The following MAGI1 variants were observed in gnomAD, a reference collection of about 807,000 sequenced individuals.
MAGI1 encodes membrane associated guanylate kinase, WW and PDZ domain containing 1.
In MAGI1, 58 loss-of-function variants were observed where a neutral mutation model predicts 139.9. The ratio of observed to expected loss-of-function variants is 0.41; its 90% CI spans 0.34 to 0.52. MAGI1 has a LOEUF of 0.52. Ranked by LOEUF, MAGI1 falls within the 20% of genes least tolerant of loss-of-function variation. The pLI is 0.12. For missense variants in MAGI1, 1,874 were observed against 1,901.6 expected, an observed-to-expected ratio of 0.99 and a Z score of 0.27; for synonymous variants, 812 against 737.9, an observed-to-expected ratio of 1.10 and a Z score of -1.63.
chr3:65,731,701 A>G (rs963775606), intron 1 of MAGI1, among the ~76,000 whole-genome samples: 3 of 151,762 alleles, frequency 2.0e-5, no homozygotes, highest in Admixed American at 1.3e-4. Flanking sequence ...AATTTACATT[A>G]TCATGCATAA....
chr3:65,695,907 A>T (rs1250548646), intron 1 of MAGI1, among the ~76,000 whole-genome samples: 1 of 152,112 alleles, frequency 6.6e-6, no homozygotes, highest in African/African-American at 2.4e-5. Context: ...TACTCATCCT[A>T]CATCACCTAA....
At chr3:65,454,555 T>TA in intron 5 of MAGI1, among the ~76,000 whole-genome samples, 1 of 135,644 alleles carries the variant, frequency 7.4e-6, no homozygotes, top group Admixed American at 7.3e-5. Flanking sequence ...ATAATAATAA[T>TA]AAAAAAATAC....
At chr3:65,358,033 A>G (rs1248048350) in intron 22 of MAGI1, among the ~76,000 whole-genome samples, 1 of 152,126 alleles carries the variant, frequency 6.6e-6, no homozygotes, top group Non-Finnish European at 1.5e-5. Context: ...GTTTAGAGGC[A>G]TTTTTTCTTT....
chr3:65,732,129 C>T (rs1471823443), intron 1 of MAGI1, among the ~76,000 whole-genome samples: 1 of 152,208 alleles, frequency 6.6e-6, no homozygotes, highest in Non-Finnish European at 1.5e-5. Flanking sequence ...AATTCAGTCT[C>T]TGCATAAAGA....
intron 1 of MAGI1, among the ~76,000 whole-genome samples, chr3:65,667,317 C>T (rs895483446): frequency 2.6e-5 from 4 of 152,040 alleles, no homozygotes; most frequent in Non-Finnish European, 5.9e-5. Flanking sequence ...ATAGCATGAA[C>T]GAATATAATA....
At chr3:65,895,527 A>C (rs540672177) in intron 1 of MAGI1, among the ~76,000 whole-genome samples, 1 of 152,358 alleles carries the variant, frequency 6.6e-6, no homozygotes, top group South Asian at 2.1e-4. Context: ...TTGTCTTCAA[A>C]CAATAATCTA....
rs571107622 is a variant in MAGI1 at position 65,578,094 on chromosome 3, A to G, written c.430+43878T>C. Reference sequence around the variant, plus strand: ...GACGGGTTCTGCCTCCATCCTCAGGAGCCTCAGCTCCCACAAATCACTAGT... The same window carrying G: ...GACGGGTTCTGCCTCCATCCTCAGGGGCCTCAGCTCCCACAAATCACTAGT... On this transcript the variant is annotated intron_variant, in intron 2 of 22. Transcript: ENST00000402939. Among the ~76,000 whole-genome samples, 3 of 152,256 alleles carry G rather than the reference A, an allele frequency of 2.0e-5. No individual in the cohort carries two copies. In the East Asian group the frequency reaches 5.8e-4, roughly 29 times the overall value.
intron 1 of MAGI1, among the ~76,000 whole-genome samples, chr3:65,884,172 A>G (rs577253039): frequency 6.6e-6 from 1 of 152,334 alleles, no homozygotes; most frequent in Non-Finnish European, 1.5e-5. Flanking sequence ...AGATTCCTGA[A>G]TTCACAATGT....
At chr3:65,552,289 T>TCC (rs1559663766) in intron 2 of MAGI1, among the ~76,000 whole-genome samples, 1 of 149,556 alleles carries the variant, frequency 6.7e-6, no homozygotes, top group Non-Finnish European at 1.5e-5. Flanking sequence ...TGTGTGTGTG[T>TCC]CCCCATTCCA....
intron 1 of MAGI1, among the ~76,000 whole-genome samples, chr3:65,631,857 C>T (rs937843653): frequency 1.3e-5 from 2 of 152,084 alleles, no homozygotes; most frequent in Admixed American, 1.3e-4. Context: ...AACCCCACCT[C>T]TACCAAAAAC....
chr3:65,793,478 T>C (rs1227376080), intron 1 of MAGI1, among the ~76,000 whole-genome samples: 1 of 152,212 alleles, frequency 6.6e-6, no homozygotes, highest in Admixed American at 6.5e-5. Context: ...CCCTTACCTT[T>C]TACTGAGAAG....
chr3:65,901,481 A>C (rs2061231661), intron 1 of MAGI1, among the ~76,000 whole-genome samples: 1 of 152,220 alleles, frequency 6.6e-6, no homozygotes, highest in South Asian at 2.1e-4. Flanking sequence ...AAACTCTGGC[A>C]AAACGCTGCA....
At chr3:65,536,220 T>G (rs1187535780) in intron 2 of MAGI1, among the ~76,000 whole-genome samples, 1 of 152,220 alleles carries the variant, frequency 6.6e-6, no homozygotes, top group Admixed American at 6.5e-5. Flanking sequence ...TTATCACCCC[T>G]ACTAAGCTAC....
chr3:65,909,031 T>C (rs11715152), intron 1 of MAGI1, among the ~76,000 whole-genome samples: 11,954 of 152,278 alleles, frequency 0.079, 650 homozygotes, highest in Middle Eastern at 0.14. Flanking sequence ...TCTTTTATAA[T>C]GCCAATTCCA....
At chr3:65,687,048 C>T (rs907314388) in intron 1 of MAGI1, among the ~76,000 whole-genome samples, 13 of 152,158 alleles carry the variant, frequency 8.5e-5, no homozygotes, top group Non-Finnish European at 1.5e-4. Context: ...AGTCTTGCTA[C>T]TCAAAACGTG....
Position 65,379,628 on chromosome 3 carries a change from A to G in MAGI1, c.2702-74T>C, listed in dbSNP as rs537527533. On this transcript the variant is annotated intron_variant, in intron 16 of 22. Transcript: ENST00000402939. The stretch of plus-strand genomic sequence containing the variant: ...CATCCTGCTGCCCCTCCCTCCTTCC[A>G]GCAACTCCTGCTAGAAATCAAAACG... The G allele has an allele frequency of 7.1e-6, 11 of 1,540,994 alleles. No homozygotes were observed. In the African/African-American group the frequency reaches 1.4e-4, roughly 19 times the overall value.
At chr3:65,694,045 C>CA (rs1193540455) in intron 1 of MAGI1, among the ~76,000 whole-genome samples, 1 of 151,234 alleles carries the variant, frequency 6.6e-6, no homozygotes, top group Non-Finnish European at 1.5e-5. Context: ...AACGGAGGAC[C>CA]AAAAAAATGA....
At chr3:65,770,529 A>C (rs1351604723) in intron 1 of MAGI1, among the ~76,000 whole-genome samples, 1 of 152,212 alleles carries the variant, frequency 6.6e-6, no homozygotes, top group Non-Finnish European at 1.5e-5. Flanking sequence ...TCTTGTGTAA[A>C]TGATACCTGT....
chr3:65,943,268 C>A (rs2063396914), intron 1 of MAGI1, among the ~76,000 whole-genome samples: 1 of 151,926 alleles, frequency 6.6e-6, no homozygotes, highest in South Asian at 2.1e-4. Context: ...TTCACTCATG[C>A]CCTAGAAAAA....
Sources: allele counts gnomAD v4.1 joint callset (sites outside exome capture counted in the v4.1 genomes callset), GRCh38; gene constraint gnomAD v4.1.1; transcripts MANE v1.5; gene names NCBI Gene and HGNC (gene_info 2026-07-23, HGNC 2026-07-21).